Variants in INPP4B observed in about 807,000 individuals in gnomAD.
The protein encoded by INPP4B is inositol polyphosphate 4-phosphatase type II.
INPP4B carries 55 observed loss-of-function variants against 122.5 expected under a neutral mutation model. That is an observed-to-expected ratio of 0.45 (90% CI 0.36 to 0.56). The LOEUF is 0.56. INPP4B is among the 20% of genes least tolerant of loss of function. The pLI is 0.00. For synonymous variants in INPP4B, 403 were observed against 388.7 expected, an observed-to-expected ratio of 1.04 and a Z score of -0.43; for missense variants, 1,000 against 1,097.7, an observed-to-expected ratio of 0.91 and a Z score of 1.26.
intron 1 of INPP4B, among the ~76,000 whole-genome samples, chr4:142,844,242 T>C (rs145749098): frequency 2.6e-5 from 4 of 152,328 alleles, no homozygotes; most frequent in East Asian, 3.9e-4. Context: ...AAAAGCAAAT[T>C]TGAGTTATAA....
intron 2 of INPP4B, among the ~76,000 whole-genome samples, chr4:142,497,528 AATCT>A (rs775371666): frequency 0.17 from 25,460 of 152,102 alleles, 2,366 homozygotes; most frequent in East Asian, 0.39. Context: ...CATAGTGTTT[AATCT>A]TTTCCTCACC....
chr4:142,174,508 G>C (rs1827115893), intron 15 of INPP4B, among the ~76,000 whole-genome samples: 1 of 152,028 alleles, frequency 6.6e-6, no homozygotes, highest in Admixed American at 6.6e-5. Flanking sequence ...GACAGAAAAA[G>C]GACATTAGTA....
At chr4:142,479,918 A>ATC (rs1820301161) in intron 2 of INPP4B, among the ~76,000 whole-genome samples, 1 of 152,148 alleles carries the variant, frequency 6.6e-6, no homozygotes, top group Non-Finnish European at 1.5e-5. Flanking sequence ...AATGTACTTT[A>ATC]TCTATATAAC....
intron 9 of INPP4B, among the ~76,000 whole-genome samples, chr4:142,285,025 G>C (rs570506171): frequency 2.6e-5 from 4 of 152,052 alleles, no homozygotes; most frequent in Admixed American, 6.6e-5. Flanking sequence ...AAGTGGATGT[G>C]GGGGAGGGGC....
chr4:142,248,440 T>G (rs1278100487), intron 11 of INPP4B, among the ~76,000 whole-genome samples: 1 of 149,504 alleles, frequency 6.7e-6, no homozygotes, highest in Non-Finnish European at 1.5e-5. Flanking sequence ...CGGGTTCAAG[T>G]GATTCTCCTG....
intron 5 of INPP4B, among the ~76,000 whole-genome samples, chr4:142,422,041 C>G (rs543589359): frequency 2.0e-4 from 30 of 152,164 alleles, no homozygotes; most frequent in African/African-American, 6.7e-4. Context: ...TCTGTAAGAT[C>G]TTTAGAACGT....
At position 142,327,988 on chromosome 4, in the gene INPP4B, GC is replaced by G. The variant is rs375448543; in HGVS notation, c.373-13227del. Among the ~76,000 whole-genome samples the G allele has an allele frequency of 4.2e-3, 642 of 152,218 alleles. 6 individuals are homozygous for G. The highest frequency in any genetic ancestry group is 0.014 in the African/African-American group (594 of 41,526). On this transcript the variant is annotated intron_variant, in intron 7 of 25. Coordinates refer to ENST00000262992, the MANE Select transcript of INPP4B (RefSeq NM_001101669.3). ...AGCAAAAGTCTGCTACACAAAGACT[GC>G]GGAGGGAAGTTAAAGCAAAGATCCC... is the stretch of plus-strand genomic sequence containing the variant.
intron 2 of INPP4B, among the ~76,000 whole-genome samples, chr4:142,524,191 T>C (rs1013665818): frequency 1.3e-5 from 2 of 152,060 alleles, no homozygotes; most frequent in African/African-American, 4.8e-5. Context: ...GATGGCTGGG[T>C]CAAATGGTAT....
At chr4:142,801,511 G>T (rs1463499985) in intron 1 of INPP4B, among the ~76,000 whole-genome samples, 1 of 152,186 alleles carries the variant, frequency 6.6e-6, no homozygotes, top group African/African-American at 2.4e-5. Context: ...TGCAAGCCAA[G>T]GAAAGAGGCC....
chr4:142,678,374 C>T (rs990240342), intron 2 of INPP4B, among the ~76,000 whole-genome samples: 7 of 151,856 alleles, frequency 4.6e-5, no homozygotes, highest in African/African-American at 1.7e-4. Context: ...AATATTCAAA[C>T]CCCTCCTGAG....
chr4:142,581,782 T>C (rs1467574523), intron 2 of INPP4B, among the ~76,000 whole-genome samples: 1 of 152,002 alleles, frequency 6.6e-6, no homozygotes, highest in African/African-American at 2.4e-5. Flanking sequence ...TCATTTTGCA[T>C]ATGAGATTAT....
intron 1 of INPP4B, among the ~76,000 whole-genome samples, chr4:142,766,550 C>T (rs750929645): frequency 4.0e-5 from 6 of 151,734 alleles, no homozygotes; most frequent in African/African-American, 7.3e-5. Context: ...TTTGTATTTT[C>T]AGTAGAGACA....
chr4:142,146,538 T>G (rs555346675), intron 17 of INPP4B, among the ~76,000 whole-genome samples: 1 of 152,284 alleles, frequency 6.6e-6, no homozygotes, highest in South Asian at 2.1e-4. Flanking sequence ...ACACATGAAT[T>G]TCACATTCCT....
rs377161631 is a variant in INPP4B at position 142,382,067 on chromosome 4, T to C, written c.372+20871A>G. ...AAAAAACGTATCTAATTCCCAACAT[T>C]CCTCTCCATAAAAAATACTTTTGAG... is the stretch of plus-strand genomic sequence containing the variant. On this transcript the variant is annotated intron_variant, in intron 7 of 25. Coordinates refer to ENST00000262992, the MANE Select transcript of INPP4B (RefSeq NM_001101669.3). Among the ~76,000 whole-genome samples the C allele has an allele frequency of 2.6e-5, 4 of 152,254 alleles. No homozygotes were observed. In the East Asian group the frequency reaches 5.8e-4, roughly 22 times the overall value.
intron 2 of INPP4B, among the ~76,000 whole-genome samples, chr4:142,575,093 G>A (rs537570319): frequency 2.0e-5 from 3 of 152,116 alleles, no homozygotes; most frequent in South Asian, 2.1e-4. Context: ...TATAAGGATC[G>A]AAAGAAGGAA....
chr4:142,303,565 A>T (rs1394496176), intron 9 of INPP4B, among the ~76,000 whole-genome samples: 5 of 152,112 alleles, frequency 3.3e-5, no homozygotes, highest in Non-Finnish European at 5.9e-5. Flanking sequence ...CAGAATTTTT[A>T]AAAAAGCCAT....
At chr4:142,437,402 C>T (rs1194506152) in intron 3 of INPP4B, among the ~76,000 whole-genome samples, 1 of 151,956 alleles carries the variant, frequency 6.6e-6, no homozygotes, top group Non-Finnish European at 1.5e-5. Context: ...TCAAGAAATA[C>T]AAAGAACCGC....
chr4:142,223,029 A>T (rs1414080976), intron 12 of INPP4B, among the ~76,000 whole-genome samples: 2 of 152,182 alleles, frequency 1.3e-5, no homozygotes, highest in Non-Finnish European at 2.9e-5. Context: ...AGTTTATTTT[A>T]AACCTCACAA....
rs1684813652 is a variant in INPP4B, at chr4:142,632,285, A to T, written c.-191+93554T>A. Among the ~76,000 whole-genome samples, 2 of 152,330 alleles carry T rather than the reference A, an allele frequency of 1.3e-5. 1 individual carries two copies. The highest frequency in any genetic ancestry group is 4.1e-4 in the South Asian group (2 of 4,834). The stretch of plus-strand genomic sequence containing the variant: ...AAGAAAATGAAATTCTGCCATTTAC[A>T]GCAACATGGATGGAACTGGAGGTCA... On this transcript the variant is annotated intron_variant, in intron 2 of 25. Transcript: ENST00000262992.
Sources: gnomAD v4.1 joint callset for allele counts (sites outside exome capture counted in the v4.1 genomes callset) on GRCh38, gnomAD v4.1.1 for gene constraint, MANE v1.5 for transcripts, NCBI Gene and HGNC (gene_info 2026-07-23, HGNC 2026-07-21) for gene names.